FREM2: variants seen among roughly 807,000 people sequenced by gnomAD.
The protein encoded by FREM2 is FRAS1 related extracellular matrix 2.
Under a neutral mutation model 219.9 loss-of-function variants are expected in FREM2, and 119 were observed. The observed-to-expected ratio is 0.54, with a 90% CI of 0.47 to 0.63. The LOEUF (loss-of-function observed/expected upper bound fraction) is 0.63, where lower values mean the gene tolerates loss of function less well. FREM2 is among the 30% of genes least tolerant of loss of function. FREM2 has a pLI of 0.00. For missense variants in FREM2, 4,030 were observed against 3,993.6 expected (o/e 1.01, Z -0.25); for synonymous variants, 1,562 against 1,522.8 (o/e 1.03, Z -0.60).
intron 2 of FREM2, among the ~76,000 whole-genome samples, chr13:38,729,614 A>G (rs1001051660): frequency 6.6e-6 from 1 of 152,162 alleles, no homozygotes; most frequent in Non-Finnish European, 1.5e-5. Context: ...ATACTTCTTT[A>G]AAGACATGAT....
chr13:38,863,193 G>A (rs935144125), intron 15 of FREM2, among the ~76,000 whole-genome samples: 1 of 152,066 alleles, frequency 6.6e-6, no homozygotes, highest in African/African-American at 2.4e-5. Flanking sequence ...GGAATTACAG[G>A]CGTGCATCAC....
intron 1 of FREM2, among the ~76,000 whole-genome samples, chr13:38,697,011 G>T (rs1184852248): frequency 6.6e-6 from 1 of 151,920 alleles, no homozygotes; most frequent in Non-Finnish European, 1.5e-5. Flanking sequence ...TGTTGGCCAG[G>T]CTGGTCTTGA....
intron 9 of FREM2, among the ~76,000 whole-genome samples, chr13:38,850,720 A>G (rs1877336998): frequency 6.6e-6 from 1 of 152,214 alleles, no homozygotes; most frequent in Admixed American, 6.5e-5. Flanking sequence ...CAAAGACAGA[A>G]ATCAAAGAAA....
chr13:38,794,710 A>T (rs935401746), intron 6 of FREM2, among the ~76,000 whole-genome samples: 8 of 152,076 alleles, frequency 5.3e-5, no homozygotes, highest in African/African-American at 1.9e-4. Flanking sequence ...CATATTGTTT[A>T]TACATGATAA....
At chr13:38,858,163 C>A in intron 13 of FREM2, 130 bp downstream of exon 13, 1 of 821,334 alleles carries the variant, frequency 1.2e-6, no homozygotes, top group Non-Finnish European at 2.0e-6. Context: ...AAGCCTTGAG[C>A]TTTGCATATA....
At chr13:38,858,987 C>A (rs7982078) in intron 13 of FREM2, among the ~76,000 whole-genome samples, 2 of 143,790 alleles carry the variant, frequency 1.4e-5, no homozygotes, top group Non-Finnish European at 1.5e-5. Flanking sequence ...CGACAGGAAG[C>A]GGGGGAGGAA....
At chr13:38,878,071 A>T in intron 21 of FREM2, 63 bp from the exon 22 acceptor site, 1 of 1,328,194 alleles carries the variant, frequency 7.5e-7, no homozygotes, top group Non-Finnish European at 1.1e-6. Flanking sequence ...TAACCTGTTT[A>T]CAGTGTCACG....
At chr13:38,824,350 T>A (rs775933941) in intron 6 of FREM2, among the ~76,000 whole-genome samples, 1 of 152,244 alleles carries the variant, frequency 6.6e-6, no homozygotes, top group South Asian at 2.1e-4. Context: ...GGGATAATTA[T>A]CTAACCCTTC....
intron 2 of FREM2, among the ~76,000 whole-genome samples, chr13:38,725,456 G>T (rs905274509): frequency 4.6e-5 from 7 of 152,210 alleles, no homozygotes; most frequent in Admixed American, 4.6e-4. Flanking sequence ...CATGGTCAAA[G>T]AAAGCGCCAG....
intron 6 of FREM2, among the ~76,000 whole-genome samples, chr13:38,818,914 G>A (rs529375285): frequency 3.1e-4 from 47 of 152,018 alleles, no homozygotes; most frequent in South Asian, 6.2e-4. Context: ...CTAGAAGAAA[G>A]GCTTTTGAGT....
intron 1 of FREM2, among the ~76,000 whole-genome samples, chr13:38,697,346 C>T (rs1177590927): frequency 1.3e-5 from 2 of 152,160 alleles, no homozygotes; most frequent in Non-Finnish European, 2.9e-5. Flanking sequence ...AGGAAATCTG[C>T]CATGCCTCAA....
chr13:38,837,635 C>A (rs1876763595), intron 6 of FREM2, among the ~76,000 whole-genome samples: 1 of 152,120 alleles, frequency 6.6e-6, no homozygotes, highest in Non-Finnish European at 1.5e-5. Flanking sequence ...GTATTGAGTG[C>A]ATATATATTT....
chr13:38,743,020 T>C (rs1449138013), intron 2 of FREM2, among the ~76,000 whole-genome samples: 1 of 152,174 alleles, frequency 6.6e-6, no homozygotes, highest in African/African-American at 2.4e-5. Flanking sequence ...CAAACTTTTC[T>C]ATATGGATCA....
intron 12 of FREM2, among the ~76,000 whole-genome samples, chr13:38,856,932 A>C (rs1202331793): frequency 6.6e-6 from 1 of 151,390 alleles, no homozygotes; most frequent in Non-Finnish European, 1.5e-5. Context: ...TATTTGTTTC[A>C]CTTTAGTATG....
intron 4 of FREM2, among the ~76,000 whole-genome samples, chr13:38,773,499 T>C (rs1416712206): frequency 2.0e-5 from 3 of 151,984 alleles, no homozygotes; most frequent in Non-Finnish European, 4.4e-5. Flanking sequence ...AAAGCAAAGC[T>C]CCCACCTCAG....
rs1217541153 is a variant in FREM2, at chr13:38,887,075, G to A, written c.*6288G>A. 1 of 152,130 alleles carries A rather than the reference G, an allele frequency of 6.6e-6. No homozygotes were observed. The highest frequency in any genetic ancestry group is 2.4e-5 in the African/African-American group (1 of 41,432). The allele number at this position is 152,130 out of a possible 1,614,324, so 9.4% of individuals were successfully genotyped here. A position where few individuals can be genotyped will look rare whatever the true frequency, so the allele number is the denominator to read the frequency against. ...CCGCTTGTGTTTCATAACTACGCTTGCTTTCCTTCAAAATATACCAAGTGT... is the reference window on the plus strand; with the variant it reads ...CCGCTTGTGTTTCATAACTACGCTTACTTTCCTTCAAAATATACCAAGTGT... On this transcript the variant is annotated 3_prime_UTR_variant, in exon 24 of 24. Coordinates refer to ENST00000280481, the MANE Select transcript of FREM2 (RefSeq NM_207361.6).
chr13:38,743,906 A>G (rs1370448682), intron 2 of FREM2, among the ~76,000 whole-genome samples: 1 of 152,192 alleles, frequency 6.6e-6, no homozygotes, highest in African/African-American at 2.4e-5. Context: ...ATGACTATGT[A>G]TACATTATAT....
At chr13:38,774,770 T>C (rs971572203) in intron 4 of FREM2, among the ~76,000 whole-genome samples, 4 of 152,224 alleles carry the variant, frequency 2.6e-5, no homozygotes, top group Non-Finnish European at 5.9e-5. Context: ...GAGTTCTATA[T>C]ACATTTATTG....
chr13:38,830,461 C>G (rs1876464003), intron 6 of FREM2, among the ~76,000 whole-genome samples: 1 of 152,142 alleles, frequency 6.6e-6, no homozygotes, highest in Non-Finnish European at 1.5e-5. Flanking sequence ...CTCAAGGGTC[C>G]CACGGCTTAT....
Sources: allele counts gnomAD v4.1 joint callset (sites outside exome capture counted in the v4.1 genomes callset), GRCh38; gene constraint gnomAD v4.1.1; transcripts MANE v1.5; gene names NCBI Gene and HGNC (gene_info 2026-07-23, HGNC 2026-07-21).